CMSS1: variants seen among roughly 807,000 people sequenced by gnomAD.
CMSS1 encodes the protein cms1 ribosomal small subunit homolog.
In CMSS1, 33 loss-of-function variants were observed where a neutral mutation model predicts 43.5. The observed-to-expected ratio is 0.76, with a 90% confidence interval of 0.57 to 1.01. The LOEUF is 1.01. Among genes scored for constraint, CMSS1 ranks in the 50% least tolerant of loss-of-function variants. CMSS1 has a pLI of 0.00. For missense variants in CMSS1, 313 were observed against 326.4 expected (o/e 0.96, Z 0.32); for synonymous variants, 115 against 117.2 (o/e 0.98, Z 0.12).
chr3:99,819,038 G>T (rs1367939613), intron 1 of CMSS1, among the ~76,000 whole-genome samples: 1 of 152,208 alleles, frequency 6.6e-6, no homozygotes, highest in Non-Finnish European at 1.5e-5. Context: ...CCCTGCACAT[G>T]TTAGACACTT....
chr3:99,988,521 AAAAAAAAAAGAAAGAAAAGG>A (rs1168436432), intron 1 of CMSS1, among the ~76,000 whole-genome samples: 3 of 140,672 alleles, frequency 2.1e-5, no homozygotes, highest in African/African-American at 7.7e-5. Flanking sequence ...CAAAAAAAAA[AAAAAAAAAAGAAAGAAAAGG>A]AAAAAAAAAG....
intron 1 of CMSS1, chr3:99,876,021 T>A: frequency 2.0e-6 from 2 of 983,358 alleles, no homozygotes; most frequent in Non-Finnish European, 2.4e-6. Context: ...GCTACCTGGC[T>A]GTCTGACAGC....
At chr3:99,993,964 C>T (rs905332295) in intron 1 of CMSS1, among the ~76,000 whole-genome samples, 1 of 152,148 alleles carries the variant, frequency 6.6e-6, no homozygotes, top group Admixed American at 6.5e-5. Flanking sequence ...ATTTTGGCAT[C>T]AGGGTGATAC....
At chr3:100,139,347 TA>T (rs896163645) in intron 1 of CMSS1, among the ~76,000 whole-genome samples, 16 of 146,306 alleles carry the variant, frequency 1.1e-4, no homozygotes, top group Middle Eastern at 3.5e-3. Flanking sequence ...TTAAACTCTT[TA>T]AAAAAAAAAC....
chr3:100,164,043 G>A (rs1446816097), intron 4 of CMSS1, among the ~76,000 whole-genome samples: 2 of 152,046 alleles, frequency 1.3e-5, no homozygotes, highest in Admixed American at 1.3e-4. Context: ...TGTTTTCCAA[G>A]GAGATTACCC....
chr3:99,933,221 G>C (rs1400979536), intron 1 of CMSS1, among the ~76,000 whole-genome samples: 2 of 152,144 alleles, frequency 1.3e-5, no homozygotes, highest in Admixed American at 6.5e-5. Flanking sequence ...ATATACACTG[G>C]TACAAATACC....
In CMSS1 at chr3:99,997,740, A is replaced by G. The variant is rs574678416; in HGVS notation, c.65-149233A>G. 2.1e-4 allele frequency among the ~76,000 whole-genome samples: 32 copies of G among 152,340 alleles called. 1 individual carries two copies. The South Asian group carries it at 6.6e-3, about 32-fold the overall frequency. On this transcript the variant is annotated intron_variant, in intron 1 of 9. Transcript: ENST00000421999. ...TTAAAACTTTGTACACAGAGCTATG[A>G]AAATAAAGAATATTTATGAAAAGAT...
At chr3:99,960,228 A>C (rs911156342) in intron 1 of CMSS1, among the ~76,000 whole-genome samples, 3 of 152,126 alleles carry the variant, frequency 2.0e-5, no homozygotes, top group African/African-American at 7.2e-5. Flanking sequence ...GTGTTTTTCT[A>C]GTTAGAGTAG....
intron 1 of CMSS1, chr3:99,850,042 CT>C: frequency 6.2e-7 from 1 of 1,611,050 alleles, no homozygotes; most frequent in South Asian, 1.1e-5. Context: ...CTTGAGCGCC[CT>C]TTTAGTTTCC....
intron 1 of CMSS1, among the ~76,000 whole-genome samples, chr3:100,043,335 C>T (rs2065234238): frequency 1.3e-5 from 2 of 152,194 alleles, no homozygotes; most frequent in South Asian, 4.1e-4. Flanking sequence ...TTGAAAGTCT[C>T]TCTGTCTCTG....
chr3:100,046,426 CT>C (rs77328793), intron 1 of CMSS1, among the ~76,000 whole-genome samples: 1,782 of 142,896 alleles, frequency 0.012, 18 homozygotes, highest in South Asian at 0.037. Context: ...AGTAAACAAC[CT>C]TTTTTTTTTT....
At chr3:99,952,675 TTCCTC>T (rs1246931064) in intron 1 of CMSS1, among the ~76,000 whole-genome samples, 11 of 152,308 alleles carry the variant, frequency 7.2e-5, no homozygotes, top group Non-Finnish European at 1.3e-4. Context: ...AAGCATGAAT[TTCCTC>T]TTTCTACCCT....
At chr3:99,892,131 A>T (rs1706102342) in intron 1 of CMSS1, among the ~76,000 whole-genome samples, 1 of 152,196 alleles carries the variant, frequency 6.6e-6, no homozygotes, top group East Asian at 1.9e-4. Context: ...CTGGAGTCTC[A>T]TTCCAGATGC....
chr3:100,164,630 G>C (rs2067051728), intron 4 of CMSS1, among the ~76,000 whole-genome samples: 1 of 152,106 alleles, frequency 6.6e-6, no homozygotes, highest in African/African-American at 2.4e-5. Context: ...AGACATCAGA[G>C]GAAGGTTTGA....
chr3:100,135,909 G>C (rs1479863222), intron 1 of CMSS1, among the ~76,000 whole-genome samples: 2 of 152,054 alleles, frequency 1.3e-5, no homozygotes, highest in African/African-American at 4.8e-5. Flanking sequence ...TAGTCCAAAA[G>C]TTCTAGCTTT....
chr3:99,834,044 A>C (rs1381269716), intron 1 of CMSS1, among the ~76,000 whole-genome samples: 2 of 152,260 alleles, frequency 1.3e-5, no homozygotes, highest in African/African-American at 2.4e-5. Flanking sequence ...TTGTTTGACA[A>C]ATCACTGCTA....
chr3:100,066,812 T>TGGAA (rs2065673669), intron 1 of CMSS1, among the ~76,000 whole-genome samples: 1 of 94,874 alleles, frequency 1.1e-5, no homozygotes, highest in Non-Finnish European at 2.5e-5. Flanking sequence ...ATTACAGGCG[T>TGGAA]GGCTTTGCTT....
chr3:100,053,924 A>G (rs551971678), intron 1 of CMSS1, among the ~76,000 whole-genome samples: 6 of 152,310 alleles, frequency 3.9e-5, no homozygotes, highest in African/African-American at 1.2e-4. Context: ...ATTGCATCCA[A>G]GTGTTTCCAA....
chr3:100,139,528 A>AT (rs2066784712), intron 1 of CMSS1, among the ~76,000 whole-genome samples: 1 of 111,016 alleles, frequency 9.0e-6, no homozygotes, highest in Non-Finnish European at 1.9e-5. Context: ...CTAAAAAAAA[A>AT]ATGTGTGTGT....
Sources: allele counts gnomAD v4.1 joint callset (sites outside exome capture counted in the v4.1 genomes callset), GRCh38; gene constraint gnomAD v4.1.1; transcripts MANE v1.5; gene names NCBI Gene and HGNC (gene_info 2026-07-23, HGNC 2026-07-21).